Variants in KCNQ5 observed in about 807,000 individuals in gnomAD.
The protein encoded by KCNQ5 is potassium voltage-gated channel subfamily KQT member 5.
A neutral mutation model predicts 98.2 loss-of-function variants in KCNQ5; 30 were observed. The ratio of observed to expected loss-of-function variants is 0.31; its 90% CI spans 0.23 to 0.41. The LOEUF (loss-of-function observed/expected upper bound fraction) is 0.41, where lower values mean the gene tolerates loss of function less well. Ranked by LOEUF, KCNQ5 falls within the 10% of genes least tolerant of loss-of-function variation. KCNQ5 has a pLI of 1.00. For synonymous variants in KCNQ5, 458 were observed against 449.4 expected (o/e 1.02, Z -0.24); for missense variants, 835 against 1,182.5 (o/e 0.71, Z 4.31).
At chr6:72,692,846 G>A (rs570457631) in intron 1 of KCNQ5, among the ~76,000 whole-genome samples, 29 of 152,262 alleles carry the variant, frequency 1.9e-4, no homozygotes, top group Non-Finnish European at 3.5e-4. Flanking sequence ...GGATTTATGA[G>A]ACTGGAAAAG....
chr6:73,174,378 G>C (rs1778132563), intron 11 of KCNQ5, among the ~76,000 whole-genome samples: 1 of 152,146 alleles, frequency 6.6e-6, no homozygotes, highest in Non-Finnish European at 1.5e-5. Flanking sequence ...CACTGATGCA[G>C]ATTATTCATT....
intron 1 of KCNQ5, among the ~76,000 whole-genome samples, chr6:72,771,146 T>G (rs1394139747): frequency 1.3e-5 from 2 of 152,036 alleles, no homozygotes; most frequent in African/African-American, 4.8e-5. Flanking sequence ...GAAACAGGTT[T>G]GCTGTGTGCA....
chr6:73,048,814 T>C (rs1363705431), intron 3 of KCNQ5, among the ~76,000 whole-genome samples: 1 of 152,220 alleles, frequency 6.6e-6, no homozygotes, highest in Non-Finnish European at 1.5e-5. Context: ...GGAATTAGAA[T>C]GTGATGGAAA....
At chr6:72,919,289 T>C (rs1780292259) in intron 1 of KCNQ5, among the ~76,000 whole-genome samples, 1 of 152,192 alleles carries the variant, frequency 6.6e-6, no homozygotes. Context: ...AGGCAGCTCT[T>C]AAAGAACTCA....
At chr6:72,938,945 C>G (rs1317535593) in intron 1 of KCNQ5, among the ~76,000 whole-genome samples, 3 of 152,140 alleles carry the variant, frequency 2.0e-5, no homozygotes, top group Admixed American at 6.5e-5. Flanking sequence ...ATTAGTAATA[C>G]TGTTTCAGAC....
chr6:73,003,232 T>C (rs1769667438), intron 1 of KCNQ5, among the ~76,000 whole-genome samples: 1 of 152,216 alleles, frequency 6.6e-6, no homozygotes, highest in Non-Finnish European at 1.5e-5. Context: ...TGCCTGATCC[T>C]GAATTCTGTT....
At chr6:72,879,882 C>T (rs9293915) in intron 1 of KCNQ5, among the ~76,000 whole-genome samples, 9,353 of 152,152 alleles carry the variant, frequency 0.061, 448 homozygotes, top group East Asian at 0.18. Flanking sequence ...TCAATATATG[C>T]TCGAGTAGCC....
chr6:73,124,473 C>T lies in KCNQ5; in HGVS notation c.1221-13C>T. On this transcript the variant is annotated splice_polypyrimidine_tract_variant and intron_variant, in intron 8 of 13. Coordinates refer to ENST00000370398, the MANE Select transcript of KCNQ5 (RefSeq NM_019842.4). ...TTTATCATCATTTCTCTTCTGCCTG[C>T]ACGCACCTGAAGGAAAGAACAAGGG... 6.2e-7 allele frequency: 1 copy of T among 1,612,996 alleles called. No individual in the cohort carries two copies. Among genetic ancestry groups the T allele is most frequent in the Non-Finnish European group, 8.5e-7 (1 of 1,179,162 alleles).
In KCNQ5 at chr6:73,196,021, AT is replaced by A. The variant is rs1765779672; in HGVS notation, c.*611del. The A allele has an allele frequency of 6.5e-6, 1 of 153,068 alleles. No individual in the cohort carries two copies. The allele number at this position is 153,068 out of a possible 1,614,324, so 9.5% of individuals were successfully genotyped here. A position where few individuals can be genotyped will look rare whatever the true frequency, so the allele number is the denominator to read the frequency against. On this transcript the variant is annotated 3_prime_UTR_variant, in exon 14 of 14. Transcript: ENST00000370398. ...GCTGTGGCAAGCAATTTTGCACATCATTTTCATGTTGTTCTTTATGACAAGA... is the reference window on the plus strand; with the variant it reads ...GCTGTGGCAAGCAATTTTGCACATCATTTCATGTTGTTCTTTATGACAAGA...
chr6:72,712,947 A>G (rs1413026740), intron 1 of KCNQ5, among the ~76,000 whole-genome samples: 1 of 152,186 alleles, frequency 6.6e-6, no homozygotes, highest in African/African-American at 2.4e-5. Flanking sequence ...TTGGAAGATA[A>G]TCTACGTGGC....
intron 1 of KCNQ5, among the ~76,000 whole-genome samples, chr6:72,764,198 TA>T (rs1397182225): frequency 3.3e-5 from 5 of 152,086 alleles, no homozygotes; most frequent in African/African-American, 1.2e-4. Flanking sequence ...AGTTTAATTG[TA>T]AAATTAGGCT....
At position 72,895,074 on chromosome 6, in the gene KCNQ5, C is replaced by G. The variant is rs531533221; in HGVS notation, c.399-108834C>G. 5.0e-5 allele frequency among the ~76,000 whole-genome samples: 7 copies of G among 138,684 alleles called. No individual in the cohort carries two copies. The East Asian group carries it at 1.5e-3, about 29-fold the overall frequency. 91.0% of individuals were successfully genotyped at this position (138,684 alleles called of 152,430 possible). Reference sequence around the variant, plus strand: ...TGGGCGGATCACGAGGTCAGGAGATCGAGACCATCCTGGCTAACACGGTGA... The same window carrying G: ...TGGGCGGATCACGAGGTCAGGAGATGGAGACCATCCTGGCTAACACGGTGA... On this transcript the variant is annotated intron_variant, in intron 1 of 13. Coordinates refer to ENST00000370398, the MANE Select transcript of KCNQ5 (RefSeq NM_019842.4).
intron 10 of KCNQ5, among the ~76,000 whole-genome samples, chr6:73,155,081 T>C (rs1038542507): frequency 1.3e-5 from 2 of 152,174 alleles, no homozygotes; most frequent in Admixed American, 6.5e-5. Context: ...ACTGCATCAG[T>C]CTTCCTTCAG....
intron 1 of KCNQ5, among the ~76,000 whole-genome samples, chr6:72,665,077 G>A (rs1766729951): frequency 6.7e-6 from 1 of 148,172 alleles, no homozygotes; most frequent in Admixed American, 6.6e-5. Flanking sequence ...CCTGGGTGTG[G>A]TGTCTCACGC....
At chr6:72,804,884 T>G (rs903567960) in intron 1 of KCNQ5, among the ~76,000 whole-genome samples, 3 of 152,178 alleles carry the variant, frequency 2.0e-5, no homozygotes, top group African/African-American at 7.2e-5. Flanking sequence ...AATATCTCAT[T>G]ATAGTTTTGA....
chr6:73,026,048 T>A (rs1770867416), intron 2 of KCNQ5, among the ~76,000 whole-genome samples: 1 of 152,212 alleles, frequency 6.6e-6, no homozygotes, highest in Non-Finnish European at 1.5e-5. Context: ...ATAGACACAC[T>A]TATGAGTCTT....
intron 1 of KCNQ5, among the ~76,000 whole-genome samples, chr6:72,906,113 G>A (rs1326425919): frequency 1.3e-5 from 2 of 152,110 alleles, no homozygotes; most frequent in Non-Finnish European, 2.9e-5. Flanking sequence ...CAGGTTAATA[G>A]AGTTATGTAG....
At chr6:72,661,101 C>A (rs993857358) in intron 1 of KCNQ5, among the ~76,000 whole-genome samples, 7 of 151,832 alleles carry the variant, frequency 4.6e-5, no homozygotes, top group Admixed American at 1.3e-4. Flanking sequence ...ATGTCTAAAT[C>A]ATTTTCCAAA....
chr6:72,948,482 G>GA (rs893655446), intron 1 of KCNQ5, among the ~76,000 whole-genome samples: 129 of 150,896 alleles, frequency 8.5e-4, no homozygotes, highest in African/African-American at 2.5e-3. Context: ...GAAAGGAAAA[G>GA]AAAAAAAAAT....
Sources: gnomAD v4.1 joint callset for allele counts (sites outside exome capture counted in the v4.1 genomes callset) on GRCh38, gnomAD v4.1.1 for gene constraint, MANE v1.5 for transcripts, NCBI Gene and HGNC (gene_info 2026-07-23, HGNC 2026-07-21) for gene names.